Variants in FIP1L1 observed in about 807,000 individuals in gnomAD.
The protein encoded by FIP1L1 is factor interacting with PAPOLA and CPSF1, also known as pre-mRNA 3'-end-processing factor FIP1.
In FIP1L1, 21 loss-of-function variants were observed where a neutral mutation model predicts 84.6. That is an observed-to-expected ratio of 0.25 (90% CI 0.18 to 0.36). The LOEUF is 0.36. FIP1L1 is among the 10% of genes least tolerant of loss of function. The pLI is 1.00. For synonymous variants in FIP1L1, 263 were observed against 242.3 expected (o/e 1.09, Z -0.80); for missense variants, 526 against 751.1 (o/e 0.70, Z 3.50).
At chr4:53,421,958 C>T (rs371220646) in intron 11 of FIP1L1, among the ~76,000 whole-genome samples, 1 of 152,146 alleles carries the variant, frequency 6.6e-6, no homozygotes, top group Non-Finnish European at 1.5e-5. Context: ...TAGATCAAGC[C>T]TAACCATTAA....
chr4:53,395,858 T>C (rs1746955395), intron 9 of FIP1L1, among the ~76,000 whole-genome samples: 1 of 152,066 alleles, frequency 6.6e-6, no homozygotes, highest in South Asian at 2.1e-4. Context: ...TAATGAGCAC[T>C]CATCTTGTGG....
chr4:53,390,963 A>G, intron 7 of FIP1L1, 46 bp from the exon 8 acceptor site: 1 of 1,493,378 alleles, frequency 6.7e-7, no homozygotes. Context: ...GCTGCATAAA[A>G]ATAGAGCTGA....
chr4:53,391,041 T>C lies in FIP1L1; in HGVS notation c.538T>C (p.Phe180Leu). ...ADLSDYFNYG[F>L]NEDTWKAYCE... Reference sequence around the variant, plus strand: ...TCTTTCTGATTATTTTAATTATGGGTTTAATGAAGATACCTGGAAAGCTTA... The same window carrying C: ...TCTTTCTGATTATTTTAATTATGGGCTTAATGAAGATACCTGGAAAGCTTA... The change falls in exon 8 of 18, where the codon TTT (phenylalanine) becomes CTT (leucine). Residue 180 changes from phenylalanine to leucine, a missense_variant. By Grantham distance (22) the Phe-to-Leu change is conservative. Transcript: ENST00000337488. 3 of 1,608,950 alleles carry C rather than the reference T, an allele frequency of 1.9e-6. No individual in the cohort carries two copies. Among genetic ancestry groups the C allele is most frequent in the South Asian group, 1.1e-5 (1 of 90,012 alleles).
intron 9 of FIP1L1, among the ~76,000 whole-genome samples, chr4:53,396,170 C>T (rs1009424641): frequency 3.3e-5 from 5 of 152,130 alleles, no homozygotes; most frequent in African/African-American, 9.7e-5. Context: ...CCACCCGCCT[C>T]GGCCTCCTGA....
intron 9 of FIP1L1, among the ~76,000 whole-genome samples, chr4:53,398,146 C>T (rs541847701): frequency 4.6e-5 from 7 of 151,888 alleles, no homozygotes; most frequent in Non-Finnish European, 1.0e-4. Flanking sequence ...GTGTTTCTAT[C>T]AGCTTCTGGT....
intron 5 of FIP1L1, among the ~76,000 whole-genome samples, chr4:53,389,470 G>A (rs1039744874): frequency 2.7e-5 from 4 of 150,572 alleles, no homozygotes; most frequent in Non-Finnish European, 5.9e-5. Flanking sequence ...TTTTTTTACT[G>A]TTTTTGCCTT....
chr4:53,384,436 A>G (rs746019001), intron 5 of FIP1L1, among the ~76,000 whole-genome samples: 4 of 152,126 alleles, frequency 2.6e-5, no homozygotes, highest in Non-Finnish European at 5.9e-5. Flanking sequence ...AAAGTACTAT[A>G]AATTCTTTGA....
intron 11 of FIP1L1, among the ~76,000 whole-genome samples, chr4:53,420,197 CAAAAAAAAA>C (rs1166566869): frequency 0.023 from 396 of 17,538 alleles, 4 homozygotes; most frequent in East Asian, 0.14. Context: ...GACTCCGTCT[CAAAAAAAAA>C]AAAAAAAAAA....
At chr4:53,458,811 G>C (rs1057029308) in intron 17 of FIP1L1, 21 bp downstream of exon 17, 1 of 1,606,510 alleles carries the variant, frequency 6.2e-7, no homozygotes, top group African/African-American at 1.3e-5. Flanking sequence ...TAATAAAATA[G>C]TGAACCAATA....
chr4:53,437,922 T>TCAC (rs1348888615), intron 13 of FIP1L1, among the ~76,000 whole-genome samples: 1 of 151,940 alleles, frequency 6.6e-6, no homozygotes, highest in African/African-American at 2.4e-5. Context: ...AGACAGGGTT[T>TCAC]CACCATGTTA....
At chr4:53,422,730 T>C (rs1192468753) in intron 11 of FIP1L1, among the ~76,000 whole-genome samples, 1 of 151,750 alleles carries the variant, frequency 6.6e-6, no homozygotes, top group Non-Finnish European at 1.5e-5. Flanking sequence ...ATATTTTTTT[T>C]TTGAGACAGG....
At chr4:53,396,706 C>A (rs1490068044) in intron 9 of FIP1L1, among the ~76,000 whole-genome samples, 2 of 152,154 alleles carry the variant, frequency 1.3e-5, no homozygotes, top group East Asian at 3.8e-4. Flanking sequence ...GCCCAGCCTA[C>A]AATTAGAATC....
At chr4:53,450,470 T>G (rs1775919122) in intron 15 of FIP1L1, among the ~76,000 whole-genome samples, 1 of 152,184 alleles carries the variant, frequency 6.6e-6, no homozygotes, top group Non-Finnish European at 1.5e-5. Flanking sequence ...ATAATATCCT[T>G]TGTTATGGGC....
intron 16 of FIP1L1, among the ~76,000 whole-genome samples, chr4:53,455,304 T>G (rs1347730412): frequency 6.6e-6 from 1 of 152,206 alleles, no homozygotes; most frequent in Non-Finnish European, 1.5e-5. Context: ...CTTGTCTGTT[T>G]GGCACATGAG....
chr4:53,387,255 G>T (rs1036467228), intron 5 of FIP1L1, among the ~76,000 whole-genome samples: 1 of 152,202 alleles, frequency 6.6e-6, no homozygotes, highest in African/African-American at 2.4e-5. Context: ...TTGAGCCTTG[G>T]AGTTTCAGGC....
chr4:53,393,721 AT>A (rs1478087563), intron 9 of FIP1L1, among the ~76,000 whole-genome samples: 3 of 136,612 alleles, frequency 2.2e-5, no homozygotes, highest in Admixed American at 1.6e-4. Context: ...TTCTTAAAAT[AT>A]TTTTTATTCA....
At chr4:53,398,992 A>T (rs1332170225) in intron 9 of FIP1L1, among the ~76,000 whole-genome samples, 1 of 152,164 alleles carries the variant, frequency 6.6e-6, no homozygotes, top group African/African-American at 2.4e-5. Flanking sequence ...CTTTACTAAA[A>T]ATACAAAACT....
intron 11 of FIP1L1, 130 bp from the exon 12 acceptor site, chr4:53,425,742 A>AT: frequency 1.6e-6 from 1 of 611,824 alleles, no homozygotes; most frequent in East Asian, 3.0e-5. Context: ...ATATTTTTCA[A>AT]TGTGTATTGT....
chr4:53,441,714 C>T (rs1383864161), intron 13 of FIP1L1, among the ~76,000 whole-genome samples: 5 of 151,824 alleles, frequency 3.3e-5, no homozygotes, highest in Non-Finnish European at 5.9e-5. Context: ...AAAACGGAGG[C>T]TTAGTGGAAG....
Sources: gnomAD v4.1 joint callset for allele counts (sites outside exome capture counted in the v4.1 genomes callset) on GRCh38, gnomAD v4.1.1 for gene constraint, MANE v1.5 for transcripts, NCBI Gene and HGNC (gene_info 2026-07-23, HGNC 2026-07-21) for gene names.